INSL6: variants seen among roughly 807,000 people sequenced by gnomAD.
INSL6 encodes the protein insulin like 6.
INSL6 carries 16 observed loss-of-function variants against 9.4 expected under a neutral mutation model. The ratio of observed to expected loss-of-function variants is 1.70; its 90% CI spans 1.15 to 2.59. The LOEUF (loss-of-function observed/expected upper bound fraction) is 2.59. Among genes scored for constraint, INSL6 ranks in the 30% most tolerant of loss-of-function variants. INSL6 has a pLI of 0.00. For missense variants in INSL6, 391 were observed against 257.3 expected, an observed-to-expected ratio of 1.52 and a Z score of -3.56; for synonymous variants, 154 against 96.9, an observed-to-expected ratio of 1.59 and a Z score of -3.46.
At chr9:5,105,167 C>T in the INSL6 span, among the ~76,000 whole-genome samples, 1 of 152,234 alleles carries the variant, frequency 6.6e-6, no homozygotes, top group African/African-American at 2.4e-5. Flanking sequence ...ACTTGGTCAT[C>T]TCAGCCCCAA....
At chr9:5,121,621 C>A (rs556378054), downstream of INSL6, among the ~76,000 whole-genome samples, 1 of 152,192 alleles carries the variant, frequency 6.6e-6, no homozygotes, top group South Asian at 2.1e-4. Flanking sequence ...ATTCATGGGT[C>A]ACAAAACTGG....
intron 2 of INSL6, among the ~76,000 whole-genome samples, chr9:5,155,529 T>TAAAAAAA (rs797017082): frequency 1.1e-5 from 1 of 90,984 alleles, no homozygotes. Context: ...AACTACTAAA[T>TAAAAAAA]AAAAAAAAAA....
chr9:5,126,068 G>A, intron 3 of INSL6: 1 of 273,892 alleles, frequency 3.7e-6, no homozygotes, highest in East Asian at 6.4e-5. Flanking sequence ...AAAACTCAAA[G>A]GAAATATGTT....
At chr9:5,089,681 T>A in the INSL6 span, 1 of 1,374,094 alleles carries the variant, frequency 7.3e-7, no homozygotes, top group Non-Finnish European at 9.5e-7. Flanking sequence ...TAGGGTAATT[T>A]TGGGAGTGTG....
the INSL6 span, among the ~76,000 whole-genome samples, chr9:4,994,876 T>C: frequency 6.6e-6 from 1 of 152,334 alleles, no homozygotes; most frequent in South Asian, 2.1e-4. Context: ...AAATTATCTA[T>C]TTTTTGAACA....
At chr9:5,078,314 C>T in the INSL6 span, 3 of 1,610,680 alleles carry the variant, frequency 1.9e-6, no homozygotes, top group South Asian at 3.3e-5. Context: ...AGGAAGAAAA[C>T]ACCCTTATTC....
chr9:5,150,570 A>G lies in INSL6; in HGVS notation c.376+13609T>C, dbSNP rs557577641. ...AATGGCCATTATTAAATCGTCAACA[A>G]ATAACAGATATTGACGAGGATGTGG... On this transcript the variant is annotated intron_variant, in intron 2 of 3. Transcript: ENST00000649639. 1.9e-3 allele frequency among the ~76,000 whole-genome samples: 290 copies of G among 152,322 alleles called. 1 individual carries two copies. Among genetic ancestry groups the G allele is most frequent in the African/African-American group, 6.2e-3 (258 of 41,570 alleles).
the INSL6 span, among the ~76,000 whole-genome samples, chr9:5,074,080 A>G: frequency 1.3e-5 from 2 of 152,182 alleles, no homozygotes; most frequent in African/African-American, 4.8e-5. Context: ...GGCAGGTTCA[A>G]CATAACATTG....
At chr9:5,167,265 C>T (rs986775548) in intron 1 of INSL6, among the ~76,000 whole-genome samples, 7 of 152,212 alleles carry the variant, frequency 4.6e-5, no homozygotes, top group African/African-American at 1.7e-4. Context: ...ATCAGGAGGT[C>T]CCCTCATGAG....
chr9:5,076,711 G>T, the INSL6 span, among the ~76,000 whole-genome samples: 1 of 151,964 alleles, frequency 6.6e-6, no homozygotes, highest in Non-Finnish European at 1.5e-5. Flanking sequence ...TTACATTCAA[G>T]AAAATTGTTT....
intron 2 of INSL6, among the ~76,000 whole-genome samples, chr9:5,135,464 A>C (rs890367168): frequency 2.6e-5 from 4 of 152,216 alleles, no homozygotes; most frequent in African/African-American, 9.6e-5. Flanking sequence ...AGGATTAAGA[A>C]ACTCACTCAA....
At chr9:5,072,790 T>A in the INSL6 span, among the ~76,000 whole-genome samples, 2 of 151,984 alleles carry the variant, frequency 1.3e-5, no homozygotes, top group Admixed American at 1.3e-4. Context: ...AATTACAGGG[T>A]TTGAAAATTA....
At chr9:5,072,589 T>C in the INSL6 span, 1 of 1,610,386 alleles carries the variant, frequency 6.2e-7, no homozygotes, top group Admixed American at 1.7e-5. Flanking sequence ...GAAGTTCTTT[T>C]AAAAGTTCTG....
At chr9:5,048,973 C>T in the INSL6 span, among the ~76,000 whole-genome samples, 15 of 152,096 alleles carry the variant, frequency 9.9e-5, no homozygotes, top group Admixed American at 9.2e-4. Context: ...TTTTCTTTCT[C>T]CCATTACATG....
the INSL6 span, chr9:5,085,270 G>A: frequency 1.4e-6 from 1 of 692,322 alleles, no homozygotes; most frequent in Non-Finnish European, 2.8e-6. Context: ...CACATCAGCT[G>A]ATGTTGGTTT....
the INSL6 span, among the ~76,000 whole-genome samples, chr9:5,030,694 T>C: frequency 6.6e-6 from 1 of 152,096 alleles, no homozygotes; most frequent in Non-Finnish European, 1.5e-5. Context: ...AGATAATGTA[T>C]ATATAATATT....
the INSL6 span, among the ~76,000 whole-genome samples, chr9:5,061,790 G>GT: frequency 3.9e-5 from 6 of 152,252 alleles, no homozygotes; most frequent in Non-Finnish European, 7.4e-5. Flanking sequence ...AGCTTTCAGC[G>GT]TGTGTTGGCT....
chr9:4,993,395 T>C, the INSL6 span, among the ~76,000 whole-genome samples: 47 of 152,342 alleles, frequency 3.1e-4, no homozygotes, highest in Non-Finnish European at 1.3e-4. Flanking sequence ...TACATCTCCT[T>C]GAAATTCTAC....
intron 1 of INSL6, among the ~76,000 whole-genome samples, chr9:5,179,010 C>T (rs182446795): frequency 1.0e-4 from 15 of 146,380 alleles, no homozygotes; most frequent in African/African-American, 2.0e-4. Flanking sequence ...AACTGACAAA[C>T]GGGATTTAAT....
Sources: allele counts gnomAD v4.1 joint callset (sites outside exome capture counted in the v4.1 genomes callset), GRCh38; gene constraint gnomAD v4.1.1; transcripts MANE v1.5; gene names NCBI Gene and HGNC (gene_info 2026-07-23, HGNC 2026-07-21).